The following MYBPH variants were observed in gnomAD, a reference collection of about 807,000 sequenced individuals.
MYBPH encodes the protein myosin binding protein H.
A neutral mutation model predicts 53.6 loss-of-function variants in MYBPH; 49 were observed. That is an observed-to-expected ratio of 0.91 (90% confidence interval 0.73 to 1.16). The LOEUF (loss-of-function observed/expected upper bound fraction) is 1.16. MYBPH is among the 50% of genes most tolerant of loss of function. The probability of loss-of-function intolerance (pLI) is 0.00; values close to 1 mark genes in which losing one functional copy is unlikely to be tolerated. For synonymous variants in MYBPH, 239 were observed against 249.6 expected (o/e 0.96, Z 0.40); for missense variants, 558 against 624.1 (o/e 0.89, Z 1.13).
rs1655630126 is a variant in MYBPH, at chr1:203,168,638, T to C, written c.*21A>G. 1.3e-6 allele frequency: 2 copies of C among 1,504,492 alleles called. No individual in the cohort carries two copies. The highest frequency in any genetic ancestry group is 3.4e-5 in the African/African-American group (2 of 59,036). 93.2% of individuals were successfully genotyped at this position (1,504,492 alleles called of 1,614,324 possible). A position where few individuals can be genotyped will look rare whatever the true frequency, so the allele number is the denominator to read the frequency against. On this transcript the variant is annotated 3_prime_UTR_variant, in exon 10 of 11. Transcript: ENST00000255416. ...GTCAGGCCATTTACCTGGCTCCTCA[T>C]CACAGCCTCCTCCCGTGACTTCAGT...
chr1:203,172,143 G>T, intron 3 of MYBPH, 103 bp from the exon 4 acceptor site: 1 of 700,112 alleles, frequency 1.4e-6, no homozygotes, highest in Non-Finnish European at 2.0e-6. Flanking sequence ...TGGCTGGGAG[G>T]AGGGTCCTGG....
rs763780235 is a variant in MYBPH, at chr1:203,175,365, C to T, written c.302G>A (p.Gly101Asp). ...WEPPERLGRL[G>D]LQGYVLELCR... ...GAGCTCCAGCACATAGCCCTGGAGGCCCAGCCTCCCCAGCCTCTCTGGGGG... is the reference window on the plus strand; with the variant it reads ...GAGCTCCAGCACATAGCCCTGGAGGTCCAGCCTCCCCAGCCTCTCTGGGGG... The change falls in exon 2 of 11, where the codon GGC becomes GAC. Residue 101 changes from glycine (G) to aspartate (D), a missense_variant. By Grantham distance (94) the Gly-to-Asp change is moderately conservative. Transcript: ENST00000255416. The T allele has an allele frequency of 5.2e-6, 8 of 1,527,626 alleles. No homozygotes were observed. The highest frequency in any genetic ancestry group is 2.3e-5 in the East Asian group (1 of 44,234). The allele number at this position is 1,527,626 out of a possible 1,614,324, so 94.6% of individuals were successfully genotyped here.
Position 203,170,469 on chromosome 1 carries a change from C to T in MYBPH, c.934-19G>A, listed in dbSNP as rs1160164829. The T allele has an allele frequency of 6.2e-7, 1 of 1,611,930 alleles. No individual in the cohort carries two copies. Among genetic ancestry groups the T allele is most frequent in the East Asian group, 2.2e-5 (1 of 44,854 alleles). On this transcript the variant is annotated intron_variant, in intron 6 of 10. Transcript: ENST00000255416. ...ACCATTGCTGCAGGGCCCCGGGTGT[C>T]ACCCTCATTTCTCACCCCTGTCCTC... is the stretch of plus-strand genomic sequence containing the variant.
chr1:203,172,651 C>T (rs1405191558), intron 3 of MYBPH, among the ~76,000 whole-genome samples: 1 of 152,172 alleles, frequency 6.6e-6, no homozygotes, highest in Non-Finnish European at 1.5e-5. Context: ...GTCTCAGAGC[C>T]GGGAAGTCCT....
chr1:203,171,720 A>T lies in MYBPH; in HGVS notation c.598-142T>A. On this transcript the variant is annotated intron_variant, in intron 4 of 10. Transcript: ENST00000255416. This position sits in a 1 kb window ranked among gnomAD's most constrained non-coding sequence, Gnocchi z 4.2. ...AGGAGGGGCAGCAGAGGCTGGAGCC[A>T]CAGGTGCTGCCCACAGCCACATCTT... 1.0e-6 allele frequency: 1 copy of T among 968,732 alleles called. No individual in the cohort carries two copies. The highest frequency in any genetic ancestry group is 1.5e-6 in the Non-Finnish European group (1 of 675,310). The allele number at this position is 968,732 out of a possible 1,614,324, so 60.0% of individuals were successfully genotyped here.
upstream of MYBPH, among the ~76,000 whole-genome samples, chr1:203,178,557 G>A (rs1384907026): frequency 2.6e-5 from 4 of 152,222 alleles, no homozygotes; most frequent in Non-Finnish European, 4.4e-5. Context: ...GTCCTGTGAT[G>A]AGCTCCCACC....
rs892097068 is a variant in MYBPH at position 203,174,347 on chromosome 1, C to T, written c.508+83G>A. ...GGACGGGGGAAATGACTGCCTGGTT[C>T]CCTCTACCTGCTGGCCTCAGTTTCT... On this transcript the variant is annotated intron_variant, in intron 3 of 10. Coordinates refer to ENST00000255416, the MANE Select transcript of MYBPH (RefSeq NM_004997.3). 1.3e-5 allele frequency: 19 copies of T among 1,491,290 alleles called. No individual in the cohort carries two copies. The African/African-American group carries it at 2.7e-4, about 21-fold the overall frequency. The allele number at this position is 1,491,290 out of a possible 1,614,324, so 92.4% of individuals were successfully genotyped here.
intron 3 of MYBPH, among the ~76,000 whole-genome samples, 181 bp from the exon 4 acceptor site, chr1:203,172,221 G>C (rs924588809): frequency 2.6e-5 from 4 of 152,070 alleles, no homozygotes; most frequent in African/African-American, 9.7e-5. Flanking sequence ...AGGTCTAGGG[G>C]CCCAAATCCC....
chr1:203,175,224 G>T, intron 2 of MYBPH, 103 bp downstream of exon 2: 1 of 1,363,260 alleles, frequency 7.3e-7, no homozygotes, highest in Non-Finnish European at 9.6e-7. Flanking sequence ...CCCTCCTTCT[G>T]TATCTCTCCC....
At position 203,171,943 on chromosome 1, in the gene MYBPH, A is replaced by C. The variant is rs1445352544; in HGVS notation, c.597+9T>G. On this transcript the variant is annotated intron_variant, in intron 4 of 10. Coordinates refer to ENST00000255416, the MANE Select transcript of MYBPH (RefSeq NM_004997.3). The surrounding 1 kb of genome is among the most constrained non-coding windows in gnomAD (Gnocchi z 4.2). ...CCAGGCTGTTACCCTTGGTGGGGGT[A>C]ATACCCACCTGGAAGGGGATTTGCA... 1 of 1,318,936 alleles carries C rather than the reference A, an allele frequency of 7.6e-7. No individual in the cohort carries two copies. The highest frequency in any genetic ancestry group is 1.5e-5 in the African/African-American group (1 of 66,478). 81.7% of individuals were successfully genotyped at this position (1,318,936 alleles called of 1,614,324 possible). A position where few individuals can be genotyped will look rare whatever the true frequency, so the allele number is the denominator to read the frequency against.
At chr1:203,168,259 C>G (rs2788527) in intron 10 of MYBPH, among the ~76,000 whole-genome samples, 168 bp from the exon 11 acceptor site, 1 of 152,110 alleles carries the variant, frequency 6.6e-6, no homozygotes, top group Non-Finnish European at 1.5e-5. Context: ...TAGATACTTC[C>G]GTACTTATGC....
chr1:203,169,486 C>A, intron 7 of MYBPH, 97 bp from the exon 8 acceptor site: 1 of 1,497,566 alleles, frequency 6.7e-7, no homozygotes, highest in South Asian at 1.2e-5. Flanking sequence ...GATAGCAAGT[C>A]GTGGCTTATT....
At chr1:203,175,848 G>T, upstream of MYBPH, 1 of 1,290,856 alleles carries the variant, frequency 7.7e-7, no homozygotes. Flanking sequence ...CTAGGTCCAG[G>T]CTTATATAGT....
At chr1:203,173,362 G>A (rs75916386) in intron 3 of MYBPH, among the ~76,000 whole-genome samples, 6,141 of 152,324 alleles carry the variant, frequency 0.04, 173 homozygotes, top group Non-Finnish European at 0.061. Flanking sequence ...GGGAATTAGG[G>A]TTGGGAGGCT....
intron 2 of MYBPH, among the ~76,000 whole-genome samples, chr1:203,174,929 C>T (rs1222527433): frequency 2.6e-5 from 4 of 152,006 alleles, no homozygotes; most frequent in East Asian, 1.9e-4. Flanking sequence ...GGCCCCCACA[C>T]CCCCACCCCA....
chr1:203,175,304 G>T, intron 2 of MYBPH, 23 bp downstream of exon 2: 2 of 1,515,600 alleles, frequency 1.3e-6, no homozygotes, highest in Middle Eastern at 1.8e-4. Context: ...CTGGGTGTAT[G>T]CAAGACTTAG....
upstream of MYBPH, among the ~76,000 whole-genome samples, chr1:203,176,509 C>T (rs1203668491): frequency 6.6e-6 from 1 of 152,162 alleles, no homozygotes; most frequent in Non-Finnish European, 1.5e-5. Context: ...CCACCTGTTA[C>T]AGAGAACCCC....
chr1:203,169,266 C>T lies in MYBPH; in HGVS notation c.1217G>A (p.Arg406Gln), dbSNP rs758762690. 54 of 1,609,076 alleles carry T rather than the reference C, an allele frequency of 3.4e-5. 1 individual carries two copies. In the South Asian group the frequency reaches 3.7e-4, roughly 11 times the overall value. The change falls in exon 8 of 11, where the codon CGA becomes CAA. Residue 406 changes from arginine (R) to glutamine (Q), a missense_variant. Physicochemically the swap from Arg to Gln is conservative, Grantham distance 43 (BLOSUM62 1). Coordinates refer to ENST00000255416, the MANE Select transcript of MYBPH (RefSeq NM_004997.3). Reference protein sequence around the residue: ...GYSTQLFCSVRASPKPKIIWM... With the variant: ...GYSTQLFCSVQASPKPKIIWM... ...CTGGCCCCTCACCTTGGGTGAAGCT[C>T]GGACACTGCAGAACAACTGGGTGCT...
intron 2 of MYBPH, among the ~76,000 whole-genome samples, chr1:203,174,885 G>C (rs1328484367): frequency 6.6e-6 from 1 of 152,088 alleles, no homozygotes; most frequent in East Asian, 1.9e-4. Context: ...GGCTGGACTT[G>C]GGCCATGGAG....
Sources: allele counts gnomAD v4.1 joint callset (sites outside exome capture counted in the v4.1 genomes callset), GRCh38; gene constraint gnomAD v4.1.1; non-coding constraint Gnocchi (gnomAD v3.1); transcripts MANE v1.5; gene names NCBI Gene and HGNC (gene_info 2026-07-23, HGNC 2026-07-21).